USP37: variants seen among roughly 807,000 people sequenced by gnomAD.
USP37 encodes ubiquitin specific peptidase 37, also known as ubiquitin carboxyl-terminal hydrolase 37.
Under a neutral mutation model 124.0 loss-of-function variants are expected in USP37, and 27 were observed. The observed-to-expected ratio is 0.22, with a 90% CI of 0.16 to 0.30. The LOEUF (loss-of-function observed/expected upper bound fraction) is 0.30, where lower values mean the gene tolerates loss of function less well. Among genes scored for constraint, USP37 ranks in the 10% least tolerant of loss-of-function variants. The probability of loss-of-function intolerance (pLI) is 1.00; values close to 1 mark genes in which losing one functional copy is unlikely to be tolerated. For missense variants in USP37, 889 were observed against 1,140.4 expected (o/e 0.78, Z 3.17); for synonymous variants, 365 against 388.0 (o/e 0.94, Z 0.70).
intron 14 of USP37, among the ~76,000 whole-genome samples, chr2:218,491,070 C>T (rs1461571280): frequency 6.6e-6 from 1 of 152,122 alleles, no homozygotes; most frequent in Non-Finnish European, 1.5e-5. Flanking sequence ...AAGAGGGTAT[C>T]GCTATGTTGT....
intron 11 of USP37, among the ~76,000 whole-genome samples, chr2:218,504,499 C>T (rs1689574453): frequency 6.6e-6 from 1 of 152,182 alleles, no homozygotes; most frequent in Non-Finnish European, 1.5e-5. Context: ...GACCATAGCT[C>T]ACTGAAACTT....
At chr2:218,467,371 T>C (rs1183618451) in intron 20 of USP37, among the ~76,000 whole-genome samples, 2 of 150,998 alleles carry the variant, frequency 1.3e-5, no homozygotes, top group African/African-American at 4.9e-5. Flanking sequence ...TTTTTTGAGA[T>C]GGAGTTTCGC....
Position 218,544,424 on chromosome 2 carries a change from TATATATAGAGAGAG to T in USP37, c.680+1783_680+1796del, listed in dbSNP as rs1354877055. ...AAAAAAAAATATATATATATATATA[TATATATAGAGAGAG>T]AGAGAGAGAGAGAGAGAGAGAGACC... On this transcript the variant is annotated intron_variant, in intron 8 of 25. Coordinates refer to ENST00000258399, the MANE Select transcript of USP37 (RefSeq NM_020935.3). Among the ~76,000 whole-genome samples, 112 of 57,196 alleles carry T rather than the reference TATATATAGAGAGAG, an allele frequency of 2.0e-3. 1 individual carries two copies. The highest frequency in any genetic ancestry group is 2.5e-3 in the Non-Finnish European group (90 of 35,670). The allele number at this position is 57,196 out of a possible 152,430, so 37.5% of individuals were successfully genotyped here. A position where few individuals can be genotyped will look rare whatever the true frequency, so the allele number is the denominator to read the frequency against.
chr2:218,567,999 C>A (rs1163951271), intron 1 of USP37, among the ~76,000 whole-genome samples, 179 bp downstream of exon 1: 2 of 152,116 alleles, frequency 1.3e-5, no homozygotes, highest in Non-Finnish European at 2.9e-5. Flanking sequence ...AGGTGGAAGC[C>A]GGGGCAGTGC....
intron 10 of USP37, among the ~76,000 whole-genome samples, chr2:218,515,229 G>A (rs886083195): frequency 9.2e-5 from 14 of 151,580 alleles, no homozygotes; most frequent in African/African-American, 3.2e-4. Flanking sequence ...TTAAGAGCCC[G>A]TATAGCCAAG....
chr2:218,495,135 G>A (rs932761423), intron 14 of USP37, among the ~76,000 whole-genome samples: 7 of 151,996 alleles, frequency 4.6e-5, no homozygotes, highest in East Asian at 1.9e-4. Context: ...ACTCTGCCAC[G>A]CGTTTTTGTT....
At position 218,453,833 on chromosome 2, in the gene USP37, T is replaced by C. The variant is rs920644344; in HGVS notation, c.*1097A>G. On this transcript the variant is annotated 3_prime_UTR_variant, in exon 26 of 26. Coordinates refer to ENST00000258399, the MANE Select transcript of USP37 (RefSeq NM_020935.3). ...AGTAAATGGTTAAATGCCCAAGGTT[T>C]GTCCTACAGCTCAAGTACTTAATTT... The C allele has an allele frequency of 5.3e-5, 8 of 152,240 alleles. No homozygotes were observed. The highest frequency in any genetic ancestry group is 1.0e-4 in the Non-Finnish European group (7 of 68,042). 9.4% of individuals were successfully genotyped at this position (152,240 alleles called of 1,614,324 possible). A position where few individuals can be genotyped will look rare whatever the true frequency, so the allele number is the denominator to read the frequency against.
intron 9 of USP37, among the ~76,000 whole-genome samples, chr2:218,533,981 A>T (rs1303328842): frequency 6.6e-6 from 1 of 152,222 alleles, no homozygotes; most frequent in Non-Finnish European, 1.5e-5. Flanking sequence ...ATAAGCACTA[A>T]CACTGATGCA....
chr2:218,557,049 TG>T (rs1693027181), intron 4 of USP37, among the ~76,000 whole-genome samples: 1 of 150,336 alleles, frequency 6.7e-6, no homozygotes, highest in Non-Finnish European at 1.5e-5. Flanking sequence ...AATTTTTTTT[TG>T]TAGAGACAGG....
At chr2:218,558,383 A>G (rs1379000949) in intron 4 of USP37, 115 bp downstream of exon 4, 1 of 931,208 alleles carries the variant, frequency 1.1e-6, no homozygotes, top group Non-Finnish European at 1.5e-6. Flanking sequence ...TAGAAATAAG[A>G]AGCAAGAAAT....
chr2:218,483,912 A>G (rs1691396226), intron 16 of USP37, among the ~76,000 whole-genome samples: 1 of 152,230 alleles, frequency 6.6e-6, no homozygotes, highest in Non-Finnish European at 1.5e-5. Flanking sequence ...TGATTTATAC[A>G]CTTGAGGAGG....
At chr2:218,518,319 GATGT>G (rs1400572384) in intron 10 of USP37, among the ~76,000 whole-genome samples, 1 of 151,664 alleles carries the variant, frequency 6.6e-6, no homozygotes, top group Non-Finnish European at 1.5e-5. Context: ...TATTTCTTTT[GATGT>G]GTTAAATATT....
chr2:218,455,751 T>C (rs1190305478), intron 24 of USP37, 33 bp from the exon 25 acceptor site: 1 of 1,608,190 alleles, frequency 6.2e-7, no homozygotes, highest in Non-Finnish European at 8.5e-7. Flanking sequence ...ATCAAGGTTT[T>C]TAAAAACACA....
chr2:218,517,746 G>A (rs557224771), intron 10 of USP37, among the ~76,000 whole-genome samples: 165 of 152,162 alleles, frequency 1.1e-3, no homozygotes, highest in African/African-American at 3.9e-3. Flanking sequence ...TCTAAAGTCT[G>A]ATTTTATCAC....
intron 11 of USP37, among the ~76,000 whole-genome samples, chr2:218,499,503 A>T (rs1363586469): frequency 6.6e-6 from 1 of 152,154 alleles, no homozygotes; most frequent in Non-Finnish European, 1.5e-5. Context: ...ATTTCATAAG[A>T]CCATTCTTAT....
At chr2:218,459,446 C>T (rs1689885480) in intron 23 of USP37, among the ~76,000 whole-genome samples, 1 of 151,748 alleles carries the variant, frequency 6.6e-6, no homozygotes, top group African/African-American at 2.4e-5. Flanking sequence ...CTCAGGTGAT[C>T]CACCTGCCCC....
chr2:218,529,862 C>A, intron 10 of USP37, 94 bp downstream of exon 10: 1 of 927,116 alleles, frequency 1.1e-6, no homozygotes, highest in South Asian at 2.0e-5. Flanking sequence ...ATCATATTCA[C>A]TTAAGAGGAT....
At chr2:218,499,641 A>G (rs1466929624) in intron 11 of USP37, among the ~76,000 whole-genome samples, 1 of 152,104 alleles carries the variant, frequency 6.6e-6, no homozygotes, top group Non-Finnish European at 1.5e-5. Flanking sequence ...TTCTTCCCTC[A>G]CTTAGGTACA....
chr2:218,455,142 AT>A (rs973961703), intron 25 of USP37, 125 bp from the exon 26 acceptor site: 2 of 1,147,916 alleles, frequency 1.7e-6, no homozygotes, highest in Non-Finnish European at 1.2e-6. Context: ...TCATGCCTGT[AT>A]TTTATTTAAA....
Sources: allele counts gnomAD v4.1 joint callset (sites outside exome capture counted in the v4.1 genomes callset), GRCh38; gene constraint gnomAD v4.1.1; transcripts MANE v1.5; gene names NCBI Gene and HGNC (gene_info 2026-07-23, HGNC 2026-07-21).